FTO: variants seen among roughly 807,000 people sequenced by gnomAD.
FTO encodes the protein FTO alpha-ketoglutarate dependent dioxygenase.
A neutral mutation model predicts 63.9 loss-of-function variants in FTO; 47 were observed. The ratio of observed to expected loss-of-function variants is 0.74; its 90% CI spans 0.58 to 0.94. The LOEUF (loss-of-function observed/expected upper bound fraction) is 0.94. Ranked by LOEUF, FTO falls within the 40% of genes least tolerant of loss-of-function variation. FTO has a pLI of 0.00. For missense variants in FTO, 562 were observed against 618.1 expected (o/e 0.91, Z 0.96); for synonymous variants, 207 against 224.4 (o/e 0.92, Z 0.69).
intron 1 of FTO, among the ~76,000 whole-genome samples, chr16:53,730,067 T>C (rs1462787002): frequency 6.6e-6 from 1 of 152,234 alleles, no homozygotes; most frequent in Non-Finnish European, 1.5e-5. Flanking sequence ...GATAGATTTA[T>C]CATGGACTTC....
chr16:53,840,048 C>A (rs560027494), intron 3 of FTO, among the ~76,000 whole-genome samples: 109 of 152,104 alleles, frequency 7.2e-4, no homozygotes, highest in African/African-American at 2.6e-3. Flanking sequence ...CGTGATCCAC[C>A]CACCTCAGCC....
chr16:54,109,865 A>G (rs1231838887), intron 8 of FTO, among the ~76,000 whole-genome samples: 1 of 152,222 alleles, frequency 6.6e-6, no homozygotes, highest in Non-Finnish European at 1.5e-5. Flanking sequence ...GTGGATCGAC[A>G]CTTATCATAG....
intron 8 of FTO, among the ~76,000 whole-genome samples, chr16:54,005,316 G>A (rs13333165): frequency 0.076 from 10,988 of 144,684 alleles, 643 homozygotes; most frequent in African/African-American, 0.16. Flanking sequence ...GTCCTATGAA[G>A]GCCAGCAGAT....
chr16:53,875,165 A>G (rs978905513), intron 5 of FTO, among the ~76,000 whole-genome samples: 2 of 151,928 alleles, frequency 1.3e-5, no homozygotes, highest in Admixed American at 6.6e-5. Flanking sequence ...GCCTTGTATT[A>G]TACACAAGGA....
At chr16:53,970,156 A>G (rs987366565) in intron 8 of FTO, among the ~76,000 whole-genome samples, 2 of 152,188 alleles carry the variant, frequency 1.3e-5, no homozygotes. Flanking sequence ...AACCAAACTA[A>G]AGCTCAAGTT....
At position 54,062,384 on chromosome 16, in the gene FTO, G is replaced by T. The variant is rs139063922; in HGVS notation, c.1365-49378G>T. Among the ~76,000 whole-genome samples the T allele has an allele frequency of 1.5e-3, 235 of 152,218 alleles. 1 individual carries two copies. The highest frequency in any genetic ancestry group is 5.5e-3 in the African/African-American group (228 of 41,534). On this transcript the variant is annotated intron_variant, in intron 8 of 8. Coordinates refer to ENST00000471389, the MANE Select transcript of FTO (RefSeq NM_001080432.3). Reference sequence around the variant, plus strand: ...TGTGCTTGGCAGGGGGGTGCGGCAGGAAAGTGACAGACCTTGGAAGCTGAA... The same window carrying T: ...TGTGCTTGGCAGGGGGGTGCGGCAGTAAAGTGACAGACCTTGGAAGCTGAA...
At chr16:53,800,957 T>A (rs2078204089) in intron 1 of FTO, among the ~76,000 whole-genome samples, 1 of 152,140 alleles carries the variant, frequency 6.6e-6, no homozygotes, top group Admixed American at 6.5e-5. Flanking sequence ...GTCTTGTCCA[T>A]CCTTTTACTT....
intron 8 of FTO, among the ~76,000 whole-genome samples, chr16:53,972,279 GTATTGGAAAGTATGA>G (rs1349468643): frequency 1.3e-5 from 2 of 152,166 alleles, no homozygotes; most frequent in South Asian, 2.1e-4. Context: ...TCCAGTACTT[GTATTGGAAAGTATGA>G]TATTGGACAA....
chr16:54,085,452 A>G (rs2086237418), intron 8 of FTO, among the ~76,000 whole-genome samples: 1 of 152,136 alleles, frequency 6.6e-6, no homozygotes. Context: ...TTATGAGTAC[A>G]TTCCATTATC....
At chr16:54,023,961 A>G (rs1225532722) in intron 8 of FTO, among the ~76,000 whole-genome samples, 1 of 152,116 alleles carries the variant, frequency 6.6e-6, no homozygotes. Flanking sequence ...GTTGCTTCAT[A>G]ATTTTATAAT....
At chr16:53,875,085 G>GGAGGGAGGGAGGAAGGAAGA (rs370105500) in intron 5 of FTO, among the ~76,000 whole-genome samples, 20,344 of 150,772 alleles carry the variant, frequency 0.13, 1,832 homozygotes, top group Non-Finnish European at 0.2. Flanking sequence ...AGAAAAGAAG[G>GGAGGGAGGGAGGAAGGAAGA]GAGGGAGGGA....
chr16:53,906,303 C>T (rs1167743066), intron 7 of FTO, among the ~76,000 whole-genome samples: 3 of 152,194 alleles, frequency 2.0e-5, no homozygotes, highest in Non-Finnish European at 4.4e-5. Flanking sequence ...CCCAAGTAAT[C>T]CTGACATGTG....
At chr16:54,028,213 A>T (rs1410824143) in intron 8 of FTO, among the ~76,000 whole-genome samples, 4 of 152,110 alleles carry the variant, frequency 2.6e-5, no homozygotes, top group Non-Finnish European at 5.9e-5. Flanking sequence ...CAGAGTGAAA[A>T]CTTGGCAATA....
At chr16:53,832,063 C>T (rs9302652) in intron 3 of FTO, among the ~76,000 whole-genome samples, 112,875 of 152,018 alleles carry the variant, frequency 0.74, 41,980 homozygotes, top group African/African-American at 0.81. Flanking sequence ...TGGTCCAGAT[C>T]AGAAGAGGCA....
At chr16:53,967,658 G>A (rs982674425) in intron 8 of FTO, among the ~76,000 whole-genome samples, 22 of 152,220 alleles carry the variant, frequency 1.4e-4, no homozygotes, top group African/African-American at 4.8e-4. Context: ...CAGCAATAGG[G>A]TTGTGTTGCA....
At chr16:53,951,724 T>C (rs1423304692) in intron 8 of FTO, among the ~76,000 whole-genome samples, 1 of 152,180 alleles carries the variant, frequency 6.6e-6, no homozygotes, top group Admixed American at 6.5e-5. Context: ...TAACTGAATA[T>C]ATTTTACGTT....
intron 7 of FTO, among the ~76,000 whole-genome samples, chr16:53,930,989 G>A (rs2082267387): frequency 6.6e-6 from 1 of 152,140 alleles, no homozygotes; most frequent in Non-Finnish European, 1.5e-5. Context: ...GGGCAATGGG[G>A]ATACGGTGTT....
rs574390829 is a variant in FTO at position 54,118,400 on chromosome 16, C to T, written c.*6485C>T. On this transcript the variant is annotated 3_prime_UTR_variant, in exon 9 of 9. Coordinates refer to ENST00000471389, the MANE Select transcript of FTO (RefSeq NM_001080432.3). ...TTTCAGACAGGGTCTCACCCTGTCA[C>T]GTAGGCTGGAGTGCAGTGGTGAGAT... 1.4e-5 allele frequency: 2 copies of T among 146,450 alleles called. No homozygotes were observed. The highest frequency in any genetic ancestry group is 3.0e-5 in the Non-Finnish European group (2 of 67,048). 9.1% of individuals were successfully genotyped at this position (146,450 alleles called of 1,614,324 possible). A position where few individuals can be genotyped will look rare whatever the true frequency, so the allele number is the denominator to read the frequency against.
chr16:54,112,674 G>A lies in FTO; in HGVS notation c.*759G>A, dbSNP rs1488994268. The A allele has an allele frequency of 6.6e-6, 1 of 152,224 alleles. No homozygotes were observed. The highest frequency in any genetic ancestry group is 1.5e-5 in the Non-Finnish European group (1 of 68,078). The allele number at this position is 152,224 out of a possible 1,614,324, so 9.4% of individuals were successfully genotyped here. A position where few individuals can be genotyped will look rare whatever the true frequency, so the allele number is the denominator to read the frequency against. On this transcript the variant is annotated 3_prime_UTR_variant, in exon 9 of 9. Coordinates refer to ENST00000471389, the MANE Select transcript of FTO (RefSeq NM_001080432.3). Reference sequence around the variant, plus strand: ...TTCTCTAAGACAAACCTAAGTAAAAGCCTGAGCTTTGAGTCCTATGCTCAG... The same window carrying A: ...TTCTCTAAGACAAACCTAAGTAAAAACCTGAGCTTTGAGTCCTATGCTCAG...
Sources: gnomAD v4.1 joint callset for allele counts (sites outside exome capture counted in the v4.1 genomes callset) on GRCh38, gnomAD v4.1.1 for gene constraint, MANE v1.5 for transcripts, NCBI Gene and HGNC (gene_info 2026-07-23, HGNC 2026-07-21) for gene names.